Variants in SP1 observed in about 807,000 individuals in gnomAD.
SP1 encodes the protein transcription factor Sp1.
A neutral mutation model predicts 66.3 loss-of-function variants in SP1; 6 were observed. The observed-to-expected ratio is 0.09, with a 90% CI of 0.05 to 0.18. SP1 has a LOEUF of 0.18. Ranked by LOEUF, SP1 falls within the 10% of genes least tolerant of loss-of-function variation. SP1 has a pLI of 1.00. For missense variants in SP1, 848 were observed against 964.5 expected, an observed-to-expected ratio of 0.88 and a Z score of 1.60; for synonymous variants, 417 against 360.8, an observed-to-expected ratio of 1.16 and a Z score of -1.77.
rs1460545576 is a variant in SP1 at position 53,383,473 on chromosome 12, C to T, written c.1526C>T (p.Ala509Val). Residue 509 changes from alanine (A) to valine (V), a missense_variant, in exon 3 of 6, where the codon GCT (alanine) becomes GTT (valine). Around this residue, in one of 7 missense-constraint regions of SP1, gnomAD observed 606 missense variants for 589.9 expected, o/e 1.03. Coordinates refer to ENST00000327443, the MANE Select transcript of SP1 (RefSeq NM_138473.3). Reference protein sequence around the residue: ...NTTLTPIASAASIPAGTVTVN... With the variant: ...NTTLTPIASAVSIPAGTVTVN... ...ACTCTCACACCCATTGCCTCAGCTG[C>T]TTCCATTCCTGCTGGCACAGTCACT... is the stretch of plus-strand genomic sequence containing the variant. 1 of 1,614,128 alleles carries T rather than the reference C, an allele frequency of 6.2e-7. No homozygotes were observed. Among genetic ancestry groups the T allele is most frequent in the East Asian group, 2.2e-5 (1 of 44,906 alleles).
chr12:53,405,687 G>A lies in SP1; in HGVS notation c.1676-898G>A, dbSNP rs754325002. Among the ~76,000 whole-genome samples the A allele has an allele frequency of 2.4e-4, 36 of 149,168 alleles. No individual in the cohort carries two copies. In the South Asian group the frequency reaches 2.5e-3, roughly 10 times the overall value. On this transcript the variant is annotated intron_variant, in intron 3 of 5. Transcript: ENST00000327443. Reference sequence around the variant, plus strand: ...AAAAAAAGAAAGGAAAGAAAAGAGAGAGAGAGAGAAGGAAGGAGGGAAGGA... The same window carrying A: ...AAAAAAAGAAAGGAAAGAAAAGAGAAAGAGAGAGAAGGAAGGAGGGAAGGA...
rs185052839 is a variant in SP1, at chr12:53,385,527, G to A, written c.1675+1905G>A. 4.6e-3 allele frequency among the ~76,000 whole-genome samples: 694 copies of A among 149,254 alleles called. 7 individuals carry two copies. The highest frequency in any genetic ancestry group is 0.021 in the South Asian group (98 of 4,670). On this transcript the variant is annotated intron_variant, in intron 3 of 5. Coordinates refer to ENST00000327443, the MANE Select transcript of SP1 (RefSeq NM_138473.3). Reference sequence around the variant, plus strand: ...GGAGAATCACTTGAACCAGGGAGGCGGAGGTTGCAATGAGCCGAGATCGCG... The same window carrying A: ...GGAGAATCACTTGAACCAGGGAGGCAGAGGTTGCAATGAGCCGAGATCGCG...
chr12:53,390,385 C>CT (rs1438749770), intron 3 of SP1, among the ~76,000 whole-genome samples: 2 of 152,068 alleles, frequency 1.3e-5, no homozygotes, highest in Non-Finnish European at 2.9e-5. Context: ...CATTTAAAAT[C>CT]TAAGTGCTTT....
Position 53,383,082 on chromosome 12 carries a change from T to A in SP1, c.1135T>A (p.Ser379Thr). The A allele has an allele frequency of 3.1e-6, 5 of 1,614,178 alleles. No homozygotes were observed. The highest frequency in any genetic ancestry group is 4.2e-6 in the Non-Finnish European group (5 of 1,180,034). Residue 379 changes from serine (S) to threonine (T), a missense_variant, in exon 3 of 6, where the codon TCA becomes ACA. Around this residue, in one of 7 missense-constraint regions of SP1, gnomAD observed 606 missense variants for 589.9 expected, o/e 1.03. Coordinates refer to ENST00000327443, the MANE Select transcript of SP1 (RefSeq NM_138473.3). ...NIQQNQTSGG[S>T]LQAGQQKEGE... is the part of the protein sequence containing the mutation. ...CCAGCAAAACCAGACATCTGGAGGC[T>A]CATTGCAAGCAGGCCAGCAAAAAGA...
chr12:53,400,177 C>G (rs1192787507), intron 3 of SP1, among the ~76,000 whole-genome samples: 1 of 152,234 alleles, frequency 6.6e-6, no homozygotes, highest in African/African-American at 2.4e-5. Context: ...CCCATTCTCA[C>G]GTTCACTCTC....
chr12:53,386,163 C>A (rs2136893390), intron 3 of SP1, among the ~76,000 whole-genome samples: 1 of 152,176 alleles, frequency 6.6e-6, no homozygotes, highest in Non-Finnish European at 1.5e-5. Context: ...CTTCCCTTCA[C>A]ACTAACATAT....
chr12:53,408,520 G>C (rs1237813985), intron 4 of SP1, among the ~76,000 whole-genome samples: 2 of 151,578 alleles, frequency 1.3e-5, no homozygotes, highest in African/African-American at 4.8e-5. Context: ...TCGGATCCCT[G>C]ACCTCAGGTG....
At position 53,405,373 on chromosome 12, in the gene SP1, G is replaced by A. The variant is rs193164816; in HGVS notation, c.1676-1212G>A. ...TTTATCACTATTTGTGTATGAAAAT[G>A]TCTCTTTCCGGCTGGACATGGTGGC... On this transcript the variant is annotated intron_variant, in intron 3 of 5. Coordinates refer to ENST00000327443, the MANE Select transcript of SP1 (RefSeq NM_138473.3). Among the ~76,000 whole-genome samples the A allele has an allele frequency of 2.6e-3, 397 of 152,208 alleles. 1 individual carries two copies. Among genetic ancestry groups the A allele is most frequent in the Middle Eastern group, 0.014 (4 of 294 alleles).
At chr12:53,380,690 C>CG in intron 1 of SP1, 9 of 986,052 alleles carry the variant, frequency 9.1e-6, no homozygotes, top group Non-Finnish European at 1.1e-5. Context: ...CTCTGGTCGC[C>CG]GCCTGCTCCA....
chr12:53,409,547 A>G lies in SP1; in HGVS notation c.2030A>G (p.Lys677Arg). Residue 677 changes from lysine to arginine, a missense_variant, in exon 5 of 6, where the codon AAA becomes AGA. By Grantham distance (26) the Lys-to-Arg change is conservative. Transcript: ENST00000327443. ...CGTTCGGATGAGCTACAGAGGCACA[A>G]ACGTACACACACAGGTGAGCAAGAG... ...FTRSDELQRHKRTHTGEKKFA... is the reference protein window; with the variant it reads ...FTRSDELQRHRRTHTGEKKFA... 7 of 1,614,128 alleles carry G rather than the reference A, an allele frequency of 4.3e-6. No individual in the cohort carries two copies. In the South Asian group the frequency reaches 4.4e-5, roughly 10 times the overall value.
At chr12:53,403,992 A>G (rs536135364) in intron 3 of SP1, among the ~76,000 whole-genome samples, 1 of 151,398 alleles carries the variant, frequency 6.6e-6, no homozygotes, top group Non-Finnish European at 1.5e-5. Flanking sequence ...TAACACAGTG[A>G]AACCCCGTCT....
In SP1 at chr12:53,412,007, A is replaced by G. The variant is rs1285493635; in HGVS notation, c.*767A>G. 2.0e-5 allele frequency: 3 copies of G among 151,886 alleles called. No individual in the cohort carries two copies. The highest frequency in any genetic ancestry group is 2.0e-4 in the Admixed American group (3 of 15,246). 9.4% of individuals were successfully genotyped at this position (151,886 alleles called of 1,614,324 possible). ...GATCACTTCATGTTTTGTTTTTGTT[A>G]CTGCCTGGATGAGGCACTTCTGTCA... On this transcript the variant is annotated 3_prime_UTR_variant, in exon 6 of 6. Transcript: ENST00000327443.
intron 5 of SP1, among the ~76,000 whole-genome samples, chr12:53,409,903 A>G (rs1488761642): frequency 6.6e-6 from 1 of 152,182 alleles, no homozygotes; most frequent in South Asian, 2.1e-4. Flanking sequence ...GCAGCTACTC[A>G]GGAGGTGGAG....
Position 53,383,532 on chromosome 12 carries a change from C to A in SP1, c.1585C>A (p.Leu529Ile). 1.2e-6 allele frequency: 2 copies of A among 1,614,190 alleles called. No homozygotes were observed. Among genetic ancestry groups the A allele is most frequent in the Non-Finnish European group, 8.5e-7 (1 of 1,180,040 alleles). ...NAAQLSSMPGLQTINLSALGT... is the reference protein window; with the variant it reads ...NAAQLSSMPGIQTINLSALGT... ...TGCTCAACTCTCCTCCATGCCAGGC[C>A]TCCAGACCATTAACCTCAGTGCATT... Residue 529 changes from leucine to isoleucine, a missense_variant, in exon 3 of 6, where the codon CTC (leucine) becomes ATC (isoleucine). By Grantham distance (5) the Leu-to-Ile change is conservative. This residue lies in a region of SP1 where 606 missense variants were observed against 589.9 expected (regional missense o/e 1.03). Transcript: ENST00000327443.
intron 4 of SP1, among the ~76,000 whole-genome samples, chr12:53,407,587 G>A (rs973597550): frequency 3.3e-5 from 5 of 151,736 alleles, no homozygotes; most frequent in African/African-American, 1.2e-4. Context: ...GCCTCCCAAA[G>A]TGCTGGGATT....
Position 53,380,176 on chromosome 12 carries a change from AC to A in SP1, c.-108del, listed in dbSNP as rs1322187105. The A allele has an allele frequency of 1.0e-3, 624 of 601,228 alleles. 1 individual carries two copies. The highest frequency in any genetic ancestry group is 1.8e-3 in the East Asian group (52 of 29,474). The allele number at this position is 601,228 out of a possible 1,614,324, so 37.2% of individuals were successfully genotyped here. On this transcript the variant is annotated 5_prime_UTR_variant, in exon 1 of 6. Coordinates refer to ENST00000327443, the MANE Select transcript of SP1 (RefSeq NM_138473.3). The stretch of plus-strand genomic sequence containing the variant: ...TGTGGCGCGCTGCTCCCTCCTCCTT[AC>A]CCCCCCCTCCCTGTCCGGTCCGGGT...
intron 5 of SP1, 48 bp from the exon 6 acceptor site, chr12:53,410,879 C>T (rs1474276045): frequency 2.1e-6 from 3 of 1,415,300 alleles, no homozygotes; most frequent in Non-Finnish European, 3.0e-6. Flanking sequence ...GGTAAGGTAA[C>T]CTCACTTCCT....
At chr12:53,387,769 A>G (rs1448635093) in intron 3 of SP1, among the ~76,000 whole-genome samples, 1 of 152,114 alleles carries the variant, frequency 6.6e-6, no homozygotes, top group Non-Finnish European at 1.5e-5. Context: ...GCGGATCATG[A>G]GGTCAGGAGA....
chr12:53,382,502 A>G lies in SP1; in HGVS notation c.555A>G (p.Gln185=), dbSNP rs1938127818. 1.2e-6 allele frequency: 2 copies of G among 1,614,060 alleles called. No homozygotes were observed. Among genetic ancestry groups the G allele is most frequent in the Admixed American group, 1.7e-5 (1 of 59,976 alleles). Residue 185 remains glutamine, a synonymous_variant, in exon 3 of 6, where the codon CAA becomes CAG. Coordinates refer to ENST00000327443, the MANE Select transcript of SP1 (RefSeq NM_138473.3). ...VIPQFQTVDG[Q]QLQFAATGAQ... ...CACAGTTCCAGACCGTTGATGGGCA[A>G]CAGCTGCAGTTTGCTGCCACTGGGG...
Sources: allele counts gnomAD v4.1 joint callset (sites outside exome capture counted in the v4.1 genomes callset), GRCh38; gene constraint gnomAD v4.1.1; regional missense constraint gnomAD v4.1.1; transcripts MANE v1.5; gene names NCBI Gene and HGNC (gene_info 2026-07-23, HGNC 2026-07-21).